The following CHRM3 variants were observed in gnomAD, a reference collection of about 807,000 sequenced individuals.
CHRM3 encodes the protein cholinergic receptor muscarinic 3.
In CHRM3, 11 loss-of-function variants were observed where a neutral mutation model predicts 41.8. That is an observed-to-expected ratio of 0.26 (90% CI 0.17 to 0.44). CHRM3 has a LOEUF of 0.44. Among genes scored for constraint, CHRM3 ranks in the 20% least tolerant of loss-of-function variants. CHRM3 has a pLI of 1.00. For missense variants in CHRM3, 571 were observed against 745.4 expected, an observed-to-expected ratio of 0.77 and a Z score of 2.72; for synonymous variants, 297 against 301.4, an observed-to-expected ratio of 0.99 and a Z score of 0.15.
At chr1:239,674,709 CAA>C (rs34078965) in intron 4 of CHRM3, among the ~76,000 whole-genome samples, 9 of 92,740 alleles carry the variant, frequency 9.7e-5, no homozygotes, top group Non-Finnish European at 6.4e-5. Flanking sequence ...GACTCCATCT[CAA>C]AAAAAAAAAA....
In CHRM3 at chr1:239,639,967, G is replaced by A. The variant is rs563497313; in HGVS notation, c.-250+7681G>A. ...ATACCTAATTTATTGAGATTTTGTA[G>A]CATGAAGGGTTGTTGAATTTTGTCA... On this transcript the variant is annotated intron_variant, in intron 4 of 6. Coordinates refer to ENST00000676153, the MANE Select transcript of CHRM3 (RefSeq NM_001375978.1). Among the ~76,000 whole-genome samples, 6 of 151,820 alleles carry A rather than the reference G, an allele frequency of 4.0e-5. No homozygotes were observed. The East Asian group carries it at 7.8e-4, about 20-fold the overall frequency.
At chr1:239,605,627 A>T (rs1323229500) in intron 3 of CHRM3, among the ~76,000 whole-genome samples, 2 of 152,222 alleles carry the variant, frequency 1.3e-5, no homozygotes, top group Non-Finnish European at 2.9e-5. Context: ...TTTTAAAAGA[A>T]TTTGTCCCAT....
At chr1:239,702,263 C>T (rs1558468579) in intron 5 of CHRM3, among the ~76,000 whole-genome samples, 1 of 152,026 alleles carries the variant, frequency 6.6e-6, no homozygotes, top group Non-Finnish European at 1.5e-5. Flanking sequence ...TAACCTATAC[C>T]CAGTTATTCT....
At chr1:239,523,133 C>G (rs1669766455) in intron 2 of CHRM3, among the ~76,000 whole-genome samples, 1 of 152,004 alleles carries the variant, frequency 6.6e-6, no homozygotes, top group Admixed American at 6.6e-5. Context: ...AAAAATCGAG[C>G]TGATTTTTGT....
chr1:239,560,059 C>CA (rs1660716953), intron 3 of CHRM3, among the ~76,000 whole-genome samples: 1 of 151,952 alleles, frequency 6.6e-6, no homozygotes, highest in African/African-American at 2.4e-5. Flanking sequence ...ATTTTGTGTG[C>CA]AAAATTATCT....
At chr1:239,646,888 G>A (rs1414624753) in intron 4 of CHRM3, among the ~76,000 whole-genome samples, 1 of 152,088 alleles carries the variant, frequency 6.6e-6, no homozygotes, top group Non-Finnish European at 1.5e-5. Context: ...CTGAAGGTGG[G>A]GAAATGCATA....
intron 6 of CHRM3, among the ~76,000 whole-genome samples, chr1:239,857,412 A>G (rs1419459009): frequency 6.6e-6 from 1 of 152,186 alleles, no homozygotes; most frequent in African/African-American, 2.4e-5. Context: ...GAATAAGTTA[A>G]ATATTAATCT....
intron 4 of CHRM3, among the ~76,000 whole-genome samples, chr1:239,637,194 A>G (rs531606964): frequency 1.3e-5 from 2 of 152,186 alleles, no homozygotes; most frequent in African/African-American, 4.8e-5. Flanking sequence ...TGGTCTTATC[A>G]AAGTCTTTTG....
rs551726426 is a variant in CHRM3 at position 239,530,097 on chromosome 1, G to T, written c.-421-15544G>T. 4.4e-4 allele frequency among the ~76,000 whole-genome samples: 67 copies of T among 152,174 alleles called. 2 individuals carry two copies. The highest frequency in any genetic ancestry group is 3.4e-3 in the Middle Eastern group (1 of 294). On this transcript the variant is annotated intron_variant, in intron 2 of 6. Coordinates refer to ENST00000676153, the MANE Select transcript of CHRM3 (RefSeq NM_001375978.1). ...TTTTTGTATTTTTAGTAGAGATGGGGTTTCACCGTGTTAGCCAGGATGGTC... is the reference window on the plus strand; with the variant it reads ...TTTTTGTATTTTTAGTAGAGATGGGTTTTCACCGTGTTAGCCAGGATGGTC...
At chr1:239,420,742 A>T (rs2103098331) in intron 1 of CHRM3, among the ~76,000 whole-genome samples, 1 of 152,274 alleles carries the variant, frequency 6.6e-6, no homozygotes, top group South Asian at 2.1e-4. Context: ...CTGTTTTAAT[A>T]AGTTTTATGC....
chr1:239,822,012 T>C (rs1265120179), intron 5 of CHRM3, among the ~76,000 whole-genome samples: 1 of 152,164 alleles, frequency 6.6e-6, no homozygotes, highest in East Asian at 1.9e-4. Flanking sequence ...TCCACCATGA[T>C]TGTAAGTTTC....
At chr1:239,412,857 G>A (rs1416992040) in intron 1 of CHRM3, among the ~76,000 whole-genome samples, 1 of 151,990 alleles carries the variant, frequency 6.6e-6, no homozygotes, top group Non-Finnish European at 1.5e-5. Context: ...GAGGCGGGCA[G>A]ATTACGAGGT....
chr1:239,474,960 T>A (rs1479246466), intron 1 of CHRM3, among the ~76,000 whole-genome samples: 1 of 152,118 alleles, frequency 6.6e-6, no homozygotes, highest in African/African-American at 2.4e-5. Flanking sequence ...AGTACTATTC[T>A]AAATTTTGGC....
intron 4 of CHRM3, among the ~76,000 whole-genome samples, chr1:239,637,311 A>G (rs931322998): frequency 1.3e-5 from 2 of 152,106 alleles, no homozygotes; most frequent in Admixed American, 6.5e-5. Context: ...ATAATATTCT[A>G]TAGCATACAT....
intron 5 of CHRM3, among the ~76,000 whole-genome samples, chr1:239,749,416 C>T (rs1258438702): frequency 6.6e-6 from 1 of 152,122 alleles, no homozygotes; most frequent in Non-Finnish European, 1.5e-5. Context: ...TGCCTGTAAT[C>T]CCAGCACTTT....
chr1:239,664,264 G>T (rs1250387906), intron 4 of CHRM3, among the ~76,000 whole-genome samples: 1 of 152,130 alleles, frequency 6.6e-6, no homozygotes, highest in Non-Finnish European at 1.5e-5. Flanking sequence ...GAGTGCATGT[G>T]CATAGCTTGG....
At chr1:239,798,221 A>C (rs761045904) in intron 5 of CHRM3, among the ~76,000 whole-genome samples, 3 of 152,182 alleles carry the variant, frequency 2.0e-5, no homozygotes, top group Non-Finnish European at 4.4e-5. Flanking sequence ...ACATATATAA[A>C]ATATGCAAAA....
intron 1 of CHRM3, among the ~76,000 whole-genome samples, chr1:239,466,287 G>A (rs921907484): frequency 4.6e-5 from 7 of 152,076 alleles, no homozygotes; most frequent in African/African-American, 1.2e-4. Context: ...GAGCTACCAC[G>A]CCTGGCCCAT....
intron 5 of CHRM3, among the ~76,000 whole-genome samples, chr1:239,693,546 C>G (rs1263529612): frequency 6.6e-6 from 1 of 152,092 alleles, no homozygotes; most frequent in Non-Finnish European, 1.5e-5. Context: ...TATGGCAGCC[C>G]AAGCGGACTA....
Sources: gnomAD v4.1 joint callset for allele counts (sites outside exome capture counted in the v4.1 genomes callset) on GRCh38, gnomAD v4.1.1 for gene constraint, MANE v1.5 for transcripts, NCBI Gene and HGNC (gene_info 2026-07-23, HGNC 2026-07-21) for gene names.